Variants in CFAP221 observed in about 807,000 individuals in gnomAD.
CFAP221 encodes the protein cilia- and flagella-associated protein 221.
CFAP221 carries 97 observed loss-of-function variants against 113.1 expected under a neutral mutation model. That is an observed-to-expected ratio of 0.86 (90% CI 0.73 to 1.02). The LOEUF is 1.02. Ranked by LOEUF, CFAP221 falls within the 50% of genes least tolerant of loss-of-function variation. CFAP221 has a pLI of 0.00. For synonymous variants in CFAP221, 331 were observed against 354.4 expected (o/e 0.93, Z 0.74); for missense variants, 1,025 against 1,013.4 (o/e 1.01, Z -0.16).
At chr2:119,622,098 A>G (rs1219066691) in intron 14 of CFAP221, among the ~76,000 whole-genome samples, 4 of 152,224 alleles carry the variant, frequency 2.6e-5, no homozygotes, top group Non-Finnish European at 5.9e-5. Context: ...TGAAAAGGTT[A>G]ACAAAATAGA....
At chr2:119,632,881 C>A (rs1476156219) in intron 19 of CFAP221, among the ~76,000 whole-genome samples, 1 of 152,030 alleles carries the variant, frequency 6.6e-6, no homozygotes, top group East Asian at 1.9e-4. Context: ...AAAGCCATAT[C>A]ATTTAACAAT....
chr2:119,657,013 A>G (rs912340880), downstream of CFAP221, among the ~76,000 whole-genome samples: 2 of 152,088 alleles, frequency 1.3e-5, no homozygotes, highest in African/African-American at 4.8e-5. Context: ...TCCTCCTGGG[A>G]ACTCACAGAA....
At chr2:119,581,224 TTGAA>T (rs1682824538) in intron 6 of CFAP221, among the ~76,000 whole-genome samples, 1 of 152,126 alleles carries the variant, frequency 6.6e-6, no homozygotes, top group Non-Finnish European at 1.5e-5. Flanking sequence ...CAGAATATAA[TTGAA>T]TGAAATTAAT....
chr2:119,650,743 G>T (rs1233030069), intron 22 of CFAP221, among the ~76,000 whole-genome samples: 1 of 152,212 alleles, frequency 6.6e-6, no homozygotes, highest in Non-Finnish European at 1.5e-5. Flanking sequence ...GATAATGTTT[G>T]CAAAGCGCCA....
chr2:119,631,339 AAAC>A (rs1306051187), intron 19 of CFAP221, among the ~76,000 whole-genome samples: 2 of 152,230 alleles, frequency 1.3e-5, no homozygotes, highest in Admixed American at 1.3e-4. Context: ...AGATGAAACC[AAAC>A]TAAGCAGAAA....
At chr2:119,546,474 G>C (rs1330814487) in intron 2 of CFAP221, among the ~76,000 whole-genome samples, 2 of 152,158 alleles carry the variant, frequency 1.3e-5, no homozygotes, top group Non-Finnish European at 2.9e-5. Flanking sequence ...AATTAATCAA[G>C]TTCTGTTGCT....
intron 22 of CFAP221, among the ~76,000 whole-genome samples, chr2:119,649,565 A>G (rs1165355936): frequency 2.0e-5 from 3 of 152,214 alleles, no homozygotes; most frequent in Non-Finnish European, 4.4e-5. Flanking sequence ...ACAGAAGCCT[A>G]GGATCCAGGG....
intron 21 of CFAP221, among the ~76,000 whole-genome samples, chr2:119,646,551 T>C (rs1394560760): frequency 6.6e-6 from 1 of 151,940 alleles, no homozygotes; most frequent in Non-Finnish European, 1.5e-5. Flanking sequence ...TCCTGAGAAC[T>C]CCACCCCCGC....
chr2:119,619,628 A>G (rs1356895828), intron 14 of CFAP221, among the ~76,000 whole-genome samples: 1 of 152,216 alleles, frequency 6.6e-6, no homozygotes, highest in Non-Finnish European at 1.5e-5. Flanking sequence ...CACGAAGATG[A>G]GGAAAAACCA....
chr2:119,600,197 C>T (rs1435431755), intron 7 of CFAP221, among the ~76,000 whole-genome samples: 1 of 152,152 alleles, frequency 6.6e-6, no homozygotes, highest in African/African-American at 2.4e-5. Context: ...CCTTTCTTCG[C>T]TTTTTCTCTC....
downstream of CFAP221, chr2:119,660,100 A>G (rs1574255641): frequency 6.6e-6 from 1 of 152,164 alleles, no homozygotes; most frequent in Non-Finnish European, 1.5e-5. Flanking sequence ...CAGTGCATGT[A>G]CTTATGTCCA....
chr2:119,656,276 C>T (rs1200062303), intron 23 of CFAP221, 86 bp from the exon 24 acceptor site: 2 of 1,021,914 alleles, frequency 2.0e-6, no homozygotes, highest in East Asian at 2.4e-5. Flanking sequence ...GCTCCTCCGA[C>T]CTTCACCAGC....
At chr2:119,546,429 A>G (rs1464948553) in intron 2 of CFAP221, among the ~76,000 whole-genome samples, 159 bp downstream of exon 2, 1 of 152,206 alleles carries the variant, frequency 6.6e-6, no homozygotes, top group African/African-American at 2.4e-5. Context: ...ATTTAGATCC[A>G]TCTGCTTAAC....
At position 119,629,157 on chromosome 2, in the gene CFAP221, A is replaced by G. The variant is rs1574180630; in HGVS notation, c.1651-718A>G. Among the ~76,000 whole-genome samples, 10 of 152,296 alleles carry G rather than the reference A, an allele frequency of 6.6e-5. 1 individual carries two copies. In the South Asian group the frequency reaches 2.1e-3, roughly 32 times the overall value. On this transcript the variant is annotated intron_variant, in intron 16 of 23. Coordinates refer to ENST00000413369, the MANE Select transcript of CFAP221 (RefSeq NM_001271049.2). The stretch of plus-strand genomic sequence containing the variant: ...CATTGTGGCATATTAACGTTTCATC[A>G]TATTAGTTTAGTGATGGTGTATTAG...
chr2:119,623,186 A>G (rs1345025899), intron 14 of CFAP221, among the ~76,000 whole-genome samples: 1 of 152,266 alleles, frequency 6.6e-6, no homozygotes, highest in African/African-American at 2.4e-5. Flanking sequence ...TACAAAATCA[A>G]TATGCAAAAA....
intron 14 of CFAP221, 110 bp from the exon 15 acceptor site, chr2:119,625,473 G>C: frequency 1.1e-6 from 1 of 890,330 alleles, no homozygotes; most frequent in Non-Finnish European, 1.8e-6. Flanking sequence ...ACTCTGACTT[G>C]CAGTGGCAGT....
At chr2:119,586,809 C>A (rs977707507) in intron 6 of CFAP221, 7 of 218,746 alleles carry the variant, frequency 3.2e-5, no homozygotes, top group Non-Finnish European at 5.3e-5. Context: ...AGTATGGATA[C>A]CCAGCACAAT....
intron 6 of CFAP221, among the ~76,000 whole-genome samples, chr2:119,576,368 C>T (rs2104584245): frequency 6.6e-6 from 1 of 152,294 alleles, no homozygotes; most frequent in East Asian, 1.9e-4. Context: ...CCTCCACACT[C>T]CATAGGCCCC....
intron 21 of CFAP221, among the ~76,000 whole-genome samples, chr2:119,644,157 G>A (rs1046988581): frequency 2.0e-5 from 3 of 151,740 alleles, no homozygotes; most frequent in Non-Finnish European, 4.4e-5. Context: ...CATCTCAAAA[G>A]AAAATAAACA....
Sources: gnomAD v4.1 joint callset for allele counts (sites outside exome capture counted in the v4.1 genomes callset) on GRCh38, gnomAD v4.1.1 for gene constraint, MANE v1.5 for transcripts, NCBI Gene and HGNC (gene_info 2026-07-23, HGNC 2026-07-21) for gene names.